The following PACRG variants were observed in gnomAD, a reference collection of about 807,000 sequenced individuals.
The protein encoded by PACRG is parkin coregulated, also known as parkin coregulated gene protein.
In PACRG, 29 loss-of-function variants were observed where a neutral mutation model predicts 29.7. The ratio of observed to expected loss-of-function variants is 0.98; its 90% CI spans 0.73 to 1.33. The LOEUF (loss-of-function observed/expected upper bound fraction) is 1.33, where lower values mean the gene tolerates loss of function less well. PACRG is among the 40% of genes most tolerant of loss of function. PACRG has a pLI of 0.00. For synonymous variants in PACRG, 116 were observed against 118.7 expected (o/e 0.98, Z 0.15); for missense variants, 279 against 316.2 (o/e 0.88, Z 0.89).
intron 3 of PACRG, among the ~76,000 whole-genome samples, chr6:163,085,656 G>T (rs1213303331): frequency 1.3e-5 from 2 of 152,210 alleles, no homozygotes; most frequent in East Asian, 1.9e-4. Context: ...CTAGTCCCTA[G>T]CGCGCTGCTT....
chr6:163,247,690 AC>A (rs539609246), intron 4 of PACRG, among the ~76,000 whole-genome samples: 108 of 151,592 alleles, frequency 7.1e-4, no homozygotes, highest in East Asian at 6.2e-3. Context: ...TTCTATTAGG[AC>A]CCCCCTCCAT....
At chr6:163,245,707 C>T (rs1002197392) in intron 4 of PACRG, among the ~76,000 whole-genome samples, 2 of 152,114 alleles carry the variant, frequency 1.3e-5, no homozygotes, top group African/African-American at 4.8e-5. Flanking sequence ...GCTTCTAACT[C>T]CTGTGTCCGA....
At chr6:163,311,537 A>G (rs748731349) in intron 4 of PACRG, among the ~76,000 whole-genome samples, 5 of 152,230 alleles carry the variant, frequency 3.3e-5, no homozygotes, top group Non-Finnish European at 7.3e-5. Flanking sequence ...TCAATGTAGC[A>G]GGTTTGAAAT....
chr6:163,032,960 A>G (rs78701010), intron 2 of PACRG, among the ~76,000 whole-genome samples: 1,919 of 152,246 alleles, frequency 0.013, 49 homozygotes, highest in African/African-American at 0.043. Context: ...GAAAAATGCC[A>G]CTTTAATTTT....
chr6:163,161,147 AC>A (rs1368526984), intron 4 of PACRG, among the ~76,000 whole-genome samples: 1 of 151,998 alleles, frequency 6.6e-6, no homozygotes, highest in African/African-American at 2.4e-5. Context: ...GCTCTCTGTT[AC>A]CTTTTGCATT....
chr6:163,053,982 A>G (rs1432541677), intron 2 of PACRG: 2 of 152,218 alleles, frequency 1.3e-5, no homozygotes, highest in African/African-American at 2.4e-5. Flanking sequence ...AAAAGAACTT[A>G]AGAAACTGTA....
intron 4 of PACRG, among the ~76,000 whole-genome samples, chr6:163,224,467 G>A (rs1781709880): frequency 6.6e-6 from 1 of 151,178 alleles, no homozygotes; most frequent in Non-Finnish European, 1.5e-5. Context: ...AAACAGCATG[G>A]TGCTGGCATA....
intron 2 of PACRG, among the ~76,000 whole-genome samples, chr6:162,848,087 G>A (rs1224640117): frequency 6.6e-6 from 1 of 152,186 alleles, no homozygotes; most frequent in African/African-American, 2.4e-5. Context: ...AGAGGGTGCA[G>A]CGGCAGAGTT....
chr6:162,987,764 G>C (rs1803032078), intron 2 of PACRG, among the ~76,000 whole-genome samples: 1 of 152,168 alleles, frequency 6.6e-6, no homozygotes, highest in African/African-American at 2.4e-5. Flanking sequence ...GAGGTGGCAG[G>C]GGATTGAAGT....
intron 4 of PACRG, among the ~76,000 whole-genome samples, chr6:163,295,538 T>C (rs184060004): frequency 2.8e-4 from 43 of 152,344 alleles, no homozygotes; most frequent in African/African-American, 9.6e-4. Context: ...ACTCCTTGAA[T>C]TGATCTTATT....
intron 4 of PACRG, among the ~76,000 whole-genome samples, chr6:163,098,023 G>C (rs1814757959): frequency 6.6e-6 from 1 of 152,124 alleles, no homozygotes; most frequent in South Asian, 2.1e-4. Flanking sequence ...GAAATATTTT[G>C]ATTTTCTACT....
chr6:162,814,996 T>TGTAA (rs1314271563), intron 2 of PACRG, among the ~76,000 whole-genome samples: 1 of 152,240 alleles, frequency 6.6e-6, no homozygotes, highest in Non-Finnish European at 1.5e-5. Flanking sequence ...GGAGAAGGCT[T>TGTAA]TTACATTTAA....
At chr6:163,233,362 G>C (rs1188599417) in intron 4 of PACRG, among the ~76,000 whole-genome samples, 1 of 152,210 alleles carries the variant, frequency 6.6e-6, no homozygotes, top group African/African-American at 2.4e-5. Context: ...GCAGGAGGCC[G>C]GAGGCTGCAG....
At position 162,802,358 on chromosome 6, in the gene PACRG, A is replaced by C. The variant is rs560586192; in HGVS notation, c.157-11789A>C. ...TTAGTTTATGTGACCATAGATCCCCAAATTCATATTTATGAGCTCCTAACA... is the reference window on the plus strand; with the variant it reads ...TTAGTTTATGTGACCATAGATCCCCCAATTCATATTTATGAGCTCCTAACA... On this transcript the variant is annotated intron_variant, in intron 1 of 4. Coordinates refer to ENST00000366888, the MANE Select transcript of PACRG (RefSeq NM_001080379.2). 1.3e-3 allele frequency among the ~76,000 whole-genome samples: 200 copies of C among 152,310 alleles called. 1 individual carries two copies. Among genetic ancestry groups the C allele is most frequent in the African/African-American group, 4.4e-3 (183 of 41,582 alleles).
At chr6:163,157,375 C>T (rs531649842) in intron 4 of PACRG, among the ~76,000 whole-genome samples, 2 of 152,288 alleles carry the variant, frequency 1.3e-5, no homozygotes, top group African/African-American at 4.8e-5. Context: ...ACCCACCCTC[C>T]GAGGTGGAAC....
chr6:163,170,179 G>T (rs1334413702), intron 4 of PACRG, among the ~76,000 whole-genome samples: 2 of 152,270 alleles, frequency 1.3e-5, no homozygotes, highest in South Asian at 2.1e-4. Context: ...TTGCCCTGCG[G>T]GGAAGGGAAC....
At chr6:162,856,815 G>A (rs1791434677) in intron 2 of PACRG, among the ~76,000 whole-genome samples, 1 of 152,214 alleles carries the variant, frequency 6.6e-6, no homozygotes, top group Non-Finnish European at 1.5e-5. Flanking sequence ...TTCTTCTGAA[G>A]ACACAGCACT....
intron 4 of PACRG, chr6:163,312,762 G>T: frequency 2.3e-6 from 1 of 440,170 alleles, no homozygotes; most frequent in Admixed American, 2.5e-5. Context: ...TGTTTTGTTT[G>T]TTTGTTTTTG....
upstream of PACRG, chr6:162,727,796 T>C (rs1779383016): frequency 1.0e-6 from 1 of 1,002,494 alleles, no homozygotes; most frequent in South Asian, 1.5e-5. Flanking sequence ...CGCCCGGCCC[T>C]AGGAATGCGC....
Sources: allele counts gnomAD v4.1 joint callset (sites outside exome capture counted in the v4.1 genomes callset), GRCh38; gene constraint gnomAD v4.1.1; transcripts MANE v1.5; gene names NCBI Gene and HGNC (gene_info 2026-07-23, HGNC 2026-07-21).